Variants in LRRC4C observed in about 807,000 individuals in gnomAD.
The protein encoded by LRRC4C is leucine-rich repeat-containing protein 4C.
A neutral mutation model predicts 33.6 loss-of-function variants in LRRC4C; 5 were observed. The ratio of observed to expected loss-of-function variants is 0.15; its 90% confidence interval spans 0.08 to 0.31. The LOEUF (loss-of-function observed/expected upper bound fraction) is 0.31, where lower values mean the gene tolerates loss of function less well. Ranked by LOEUF, LRRC4C falls within the 10% of genes least tolerant of loss-of-function variation. The probability of loss-of-function intolerance (pLI) is 1.00; values close to 1 mark genes in which losing one functional copy is unlikely to be tolerated. For synonymous variants in LRRC4C, 329 were observed against 302.0 expected (o/e 1.09, Z -0.93); for missense variants, 560 against 796.7 (o/e 0.70, Z 3.58).
At chr11:40,456,838 G>T (rs921857195) in intron 3 of LRRC4C, among the ~76,000 whole-genome samples, 8 of 145,512 alleles carry the variant, frequency 5.5e-5, no homozygotes, top group Admixed American at 2.8e-4. Flanking sequence ...AGGAAAGGAA[G>T]AAAAAGAAGG....
chr11:40,546,009 A>G (rs1386701752), intron 3 of LRRC4C, among the ~76,000 whole-genome samples: 1 of 151,970 alleles, frequency 6.6e-6, no homozygotes, highest in Non-Finnish European at 1.5e-5. Flanking sequence ...CAGAAATGTG[A>G]TGGCAAATAT....
chr11:41,174,809 A>G (rs1945126248), intron 1 of LRRC4C, among the ~76,000 whole-genome samples: 1 of 152,020 alleles, frequency 6.6e-6, no homozygotes. Context: ...ATGTCTACCT[A>G]TACCTAGACT....
chr11:41,134,833 C>A (rs1296898248), intron 1 of LRRC4C, among the ~76,000 whole-genome samples: 1 of 152,068 alleles, frequency 6.6e-6, no homozygotes, highest in African/African-American at 2.4e-5. Flanking sequence ...AGGGTGGATA[C>A]AATCCAACTA....
Position 41,444,965 on chromosome 11 carries a change from G to A in LRRC4C, c.-496+14466C>T, listed in dbSNP as rs542416615. ...ATCACAGGCATGCATCACCACGCCC[G>A]GCTAATTTTGTATTTTTAGTAGAGA... is the stretch of plus-strand genomic sequence containing the variant. On this transcript the variant is annotated intron_variant, in intron 1 of 6. Transcript: ENST00000528697. 5.1e-3 allele frequency among the ~76,000 whole-genome samples: 776 copies of A among 152,046 alleles called. 7 individuals carry two copies. The highest frequency in any genetic ancestry group is 0.018 in the African/African-American group (752 of 41,468).
intron 2 of LRRC4C, among the ~76,000 whole-genome samples, chr11:40,739,359 T>G (rs1448892737): frequency 6.6e-6 from 1 of 152,044 alleles, no homozygotes; most frequent in Non-Finnish European, 1.5e-5. Context: ...GTCCTTCAGA[T>G]TCATCCACAT....
intron 1 of LRRC4C, among the ~76,000 whole-genome samples, chr11:41,279,854 TTTA>T (rs1174354244): frequency 1.3e-5 from 2 of 151,474 alleles, no homozygotes; most frequent in African/African-American, 2.4e-5. Flanking sequence ...GCTGGCCACA[TTTA>T]TTATTATTAT....
intron 1 of LRRC4C, among the ~76,000 whole-genome samples, chr11:40,936,012 TTTTA>T (rs1263117617): frequency 1.7e-5 from 1 of 58,418 alleles, no homozygotes; most frequent in African/African-American, 6.2e-5. Flanking sequence ...AGATGCCAAA[TTTTA>T]TATATATATA....
intron 1 of LRRC4C, among the ~76,000 whole-genome samples, chr11:41,093,507 T>C (rs1940579250): frequency 6.6e-6 from 1 of 152,190 alleles, no homozygotes; most frequent in Non-Finnish European, 1.5e-5. Flanking sequence ...TGTAAATACT[T>C]GGAAGTGGAA....
intron 3 of LRRC4C, among the ~76,000 whole-genome samples, chr11:40,551,292 C>T (rs1591079440): frequency 6.6e-6 from 1 of 151,788 alleles, no homozygotes; most frequent in Non-Finnish European, 1.5e-5. Flanking sequence ...TATTTCACTC[C>T]TAACATTTCA....
At chr11:41,351,514 A>G (rs1031670090) in intron 1 of LRRC4C, among the ~76,000 whole-genome samples, 3 of 152,158 alleles carry the variant, frequency 2.0e-5, no homozygotes, top group African/African-American at 4.8e-5. Context: ...GTAGTATGCA[A>G]GACAGCCATC....
At chr11:40,696,020 GGT>G (rs375626279) in intron 2 of LRRC4C, among the ~76,000 whole-genome samples, 10,335 of 143,828 alleles carry the variant, frequency 0.072, 1,283 homozygotes, top group African/African-American at 0.26. Flanking sequence ...ATATATATGT[GGT>G]GTGTGTGTGT....
At chr11:40,847,217 C>T (rs1327796773) in intron 2 of LRRC4C, among the ~76,000 whole-genome samples, 1 of 152,128 alleles carries the variant, frequency 6.6e-6, no homozygotes, top group Non-Finnish European at 1.5e-5. Context: ...GCATCCTTGT[C>T]TTGTGCCAGT....
At chr11:40,798,957 C>A (rs568096070) in intron 2 of LRRC4C, among the ~76,000 whole-genome samples, 2 of 152,178 alleles carry the variant, frequency 1.3e-5, no homozygotes, top group Admixed American at 6.5e-5. Context: ...TTATAAGTTT[C>A]TTTTATATCC....
intron 1 of LRRC4C, among the ~76,000 whole-genome samples, chr11:41,382,310 A>G (rs78633637): frequency 0.012 from 1,844 of 152,178 alleles, 41 homozygotes; most frequent in African/African-American, 0.042. Context: ...TACCTTAAAT[A>G]TGCTGAAAGG....
rs535662149 is a variant in LRRC4C, at chr11:40,647,642, A to T, written c.-270+500T>A. On this transcript the variant is annotated intron_variant, in intron 3 of 6. Transcript: ENST00000528697. ...TGCTGTCACCACATAAAGCTTTCCG[A>T]TCTCCCCAGGTTTTCAAAGAGAGAA... Among the ~76,000 whole-genome samples the T allele has an allele frequency of 5.3e-5, 8 of 152,252 alleles. No individual in the cohort carries two copies. In the South Asian group the frequency reaches 1.7e-3, roughly 32 times the overall value.
Position 41,037,574 on chromosome 11 carries a change from T to TCACACACACACACACA in LRRC4C, c.-495-103867_-495-103852dup, listed in dbSNP as rs56234239. Among the ~76,000 whole-genome samples the TCACACACACACACACA allele has an allele frequency of 8.4e-3, 1,253 of 148,934 alleles. 35 individuals carry two copies. The highest frequency in any genetic ancestry group is 0.05 in the Admixed American group (744 of 14,818). ...CTGAACTTTCTTACTTCTTTTCCTT[T>TCACACACACACACACA]CACACACACACACACACACACACAC... On this transcript the variant is annotated intron_variant, in intron 1 of 6. Transcript: ENST00000528697.
At chr11:40,905,061 A>G (rs1956360309) in intron 2 of LRRC4C, among the ~76,000 whole-genome samples, 1 of 152,098 alleles carries the variant, frequency 6.6e-6, no homozygotes, top group Non-Finnish European at 1.5e-5. Flanking sequence ...GTGAGAGAAA[A>G]GAGCCCAAGT....
At chr11:41,167,462 G>T (rs1944781443) in intron 1 of LRRC4C, among the ~76,000 whole-genome samples, 3 of 152,246 alleles carry the variant, frequency 2.0e-5, no homozygotes, top group South Asian at 4.1e-4. Context: ...GCAGGAAATG[G>T]AAAACATTTA....
intron 3 of LRRC4C, among the ~76,000 whole-genome samples, chr11:40,635,056 C>G (rs1963835127): frequency 6.6e-6 from 1 of 151,902 alleles, no homozygotes; most frequent in Non-Finnish European, 1.5e-5. Flanking sequence ...GACTTACAGA[C>G]TTTTCCTCAT....
Sources: allele counts gnomAD v4.1 joint callset (sites outside exome capture counted in the v4.1 genomes callset), GRCh38; gene constraint gnomAD v4.1.1; transcripts MANE v1.5; gene names NCBI Gene and HGNC (gene_info 2026-07-23, HGNC 2026-07-21).